Variants in DSCAM observed in about 807,000 individuals in gnomAD.
DSCAM encodes the protein DS cell adhesion molecule, also known as cell adhesion molecule DSCAM.
In DSCAM, 47 loss-of-function variants were observed where a neutral mutation model predicts 217.7. That is an observed-to-expected ratio of 0.22 (90% CI 0.17 to 0.28). The LOEUF is 0.28. Among genes scored for constraint, DSCAM ranks in the 10% least tolerant of loss-of-function variants. The pLI is 1.00. For missense variants in DSCAM, 2,080 were observed against 2,618.3 expected (o/e 0.79, Z 4.49); for synonymous variants, 1,056 against 1,015.3 (o/e 1.04, Z -0.76).
chr21:40,067,724 ATTCC>A (rs2089229504), intron 27 of DSCAM, among the ~76,000 whole-genome samples: 1 of 47,290 alleles, frequency 2.1e-5, no homozygotes, highest in Non-Finnish European at 3.6e-5. Flanking sequence ...CCCTCCCCTC[ATTCC>A]CTCCCTCCCC....
intron 3 of DSCAM, among the ~76,000 whole-genome samples, chr21:40,687,885 GC>G: frequency 6.6e-6 from 1 of 152,256 alleles, no homozygotes; most frequent in South Asian, 2.1e-4. Flanking sequence ...GCTTCTTAAA[GC>G]CCAAGTCTTG....
At chr21:40,570,794 A>C (rs918562109) in intron 3 of DSCAM, among the ~76,000 whole-genome samples, 3 of 152,242 alleles carry the variant, frequency 2.0e-5, no homozygotes, top group South Asian at 2.1e-4. Context: ...AGAGAAAAGA[A>C]TCAAAGGCAG....
At chr21:40,563,754 TTATATATGTTTGTATGTTTA>T (rs1568907967) in intron 3 of DSCAM, among the ~76,000 whole-genome samples, 10 of 138,640 alleles carry the variant, frequency 7.2e-5, no homozygotes, top group East Asian at 2.2e-4. Flanking sequence ...AGTTATATGT[TTATATATGTTTGTATGTTTA>T]TATATATGTT....
At chr21:40,276,573 G>GAAATCAC (rs1053105533) in intron 10 of DSCAM, among the ~76,000 whole-genome samples, 4 of 152,174 alleles carry the variant, frequency 2.6e-5, no homozygotes, top group Non-Finnish European at 5.9e-5. Context: ...ATTATTCAAA[G>GAAATCAC]AAATCACAGT....
chr21:40,261,193 A>G (rs2073445041), intron 11 of DSCAM, among the ~76,000 whole-genome samples: 1 of 152,214 alleles, frequency 6.6e-6, no homozygotes, highest in African/African-American at 2.4e-5. Flanking sequence ...GATTTATTAA[A>G]TATCTGCTAT....
At chr21:40,080,472 C>T (rs575617280) in intron 24 of DSCAM, 132 bp from the exon 25 acceptor site, 7 of 800,582 alleles carry the variant, frequency 8.7e-6, no homozygotes, top group South Asian at 2.5e-5. Flanking sequence ...GGAACATTTT[C>T]GCTCTTTCTG....
At chr21:40,110,186 C>G (rs968963217) in intron 20 of DSCAM, among the ~76,000 whole-genome samples, 2 of 152,168 alleles carry the variant, frequency 1.3e-5, no homozygotes, top group Non-Finnish European at 2.9e-5. Flanking sequence ...AGACTGACAC[C>G]TCACACGGCC....
In DSCAM at chr21:40,270,271, G is replaced by C. The variant is rs140289474; in HGVS notation, c.2356+5826C>G. Among the ~76,000 whole-genome samples, 999 of 152,312 alleles carry C rather than the reference G, an allele frequency of 6.6e-3. 17 individuals carry two copies. The highest frequency in any genetic ancestry group is 0.023 in the African/African-American group (946 of 41,578). ...GCTTAAACAATTCTGGGGACCAGAA[G>C]TGCAAAATCAAAGTGCTGGCACAGC... On this transcript the variant is annotated intron_variant, in intron 11 of 32. Transcript: ENST00000400454.
chr21:40,276,275 G>A lies in DSCAM; in HGVS notation c.2183-5C>T. Reference sequence around the variant, plus strand: ...GGAACTGGGGAACCCCAGCACCTGAGACAGAAAAAGAAAGACGAGCAATGA... The same window carrying A: ...GGAACTGGGGAACCCCAGCACCTGAAACAGAAAAAGAAAGACGAGCAATGA... On this transcript the variant is annotated splice_polypyrimidine_tract_variant and splice_region_variant and intron_variant, in intron 10 of 32. Coordinates refer to ENST00000400454, the MANE Select transcript of DSCAM (RefSeq NM_001389.5). The A allele has an allele frequency of 6.3e-7, 1 of 1,581,300 alleles. No homozygotes were observed. Among genetic ancestry groups the A allele is most frequent in the South Asian group, 1.2e-5 (1 of 85,916 alleles).
intron 3 of DSCAM, among the ~76,000 whole-genome samples, chr21:40,595,636 C>T (rs539526781): frequency 6.6e-6 from 1 of 152,248 alleles, no homozygotes; most frequent in South Asian, 2.1e-4. Flanking sequence ...TGAACCTCCT[C>T]ACATAAAACA....
intron 8 of DSCAM, among the ~76,000 whole-genome samples, chr21:40,335,481 C>A (rs1195491313): frequency 6.6e-6 from 1 of 152,080 alleles, no homozygotes; most frequent in Non-Finnish European, 1.5e-5. Context: ...TGAATACATT[C>A]ATTTATACTG....
intron 3 of DSCAM, among the ~76,000 whole-genome samples, chr21:40,516,505 G>T (rs927286124): frequency 6.6e-6 from 1 of 152,160 alleles, no homozygotes; most frequent in Non-Finnish European, 1.5e-5. Context: ...CTCTCTCCAT[G>T]GGGCTGTGAG....
intron 27 of DSCAM, among the ~76,000 whole-genome samples, chr21:40,072,484 C>T (rs1218070967): frequency 2.0e-5 from 3 of 151,964 alleles, no homozygotes; most frequent in Admixed American, 6.5e-5. Flanking sequence ...GTAGTTGGGA[C>T]TACAGGCGCC....
chr21:40,452,343 C>A (rs1211711265), intron 3 of DSCAM, among the ~76,000 whole-genome samples: 1 of 151,402 alleles, frequency 6.6e-6, no homozygotes, highest in Admixed American at 6.6e-5. Context: ...ACTGAGTATT[C>A]AAATCTGATT....
intron 3 of DSCAM, among the ~76,000 whole-genome samples, chr21:40,572,540 T>C (rs2076816387): frequency 1.3e-5 from 2 of 152,088 alleles, no homozygotes; most frequent in African/African-American, 4.8e-5. Flanking sequence ...AGATAGATAT[T>C]TGAAAATAAA....
intron 20 of DSCAM, among the ~76,000 whole-genome samples, chr21:40,110,959 A>G (rs2089891384): frequency 1.3e-5 from 2 of 152,214 alleles, no homozygotes; most frequent in Admixed American, 6.5e-5. Context: ...TGAAAGTGAC[A>G]GAGAGAATGG....
At chr21:40,633,770 A>C (rs561838455) in intron 3 of DSCAM, among the ~76,000 whole-genome samples, 1 of 152,274 alleles carries the variant, frequency 6.6e-6, no homozygotes, top group South Asian at 2.1e-4. Context: ...AAATGCCTGG[A>C]GTGAATTTTG....
chr21:40,255,104 C>A (rs2146966741), intron 11 of DSCAM, among the ~76,000 whole-genome samples: 1 of 152,152 alleles, frequency 6.6e-6, no homozygotes, highest in South Asian at 2.1e-4. Flanking sequence ...GATGTTAAAT[C>A]CCATTGAGGA....
At chr21:40,329,607 C>T (rs1004429546) in intron 8 of DSCAM, among the ~76,000 whole-genome samples, 2 of 135,784 alleles carry the variant, frequency 1.5e-5, no homozygotes, top group Non-Finnish European at 3.1e-5. Flanking sequence ...AGTGAGACTC[C>T]GTCTCTAAAT....
Sources: allele counts gnomAD v4.1 joint callset (sites outside exome capture counted in the v4.1 genomes callset), GRCh38; gene constraint gnomAD v4.1.1; transcripts MANE v1.5; gene names NCBI Gene and HGNC (gene_info 2026-07-23, HGNC 2026-07-21).